RAB6A: variants seen among roughly 807,000 people sequenced by gnomAD.
RAB6A encodes the protein ras-related protein Rab-6A.
A neutral mutation model predicts 32.3 loss-of-function variants in RAB6A; 8 were observed. The observed-to-expected ratio is 0.25, with a 90% CI of 0.15 to 0.45. RAB6A has a LOEUF of 0.45. RAB6A is among the 20% of genes least tolerant of loss of function. RAB6A has a pLI of 1.00. For missense variants in RAB6A, 104 were observed against 249.4 expected (o/e 0.42, Z 3.93); for synonymous variants, 73 against 82.1 (o/e 0.89, Z 0.60).
At chr11:73,695,856 A>G (rs2134894519) in intron 6 of RAB6A, among the ~76,000 whole-genome samples, 1 of 152,338 alleles carries the variant, frequency 6.6e-6, no homozygotes, top group Non-Finnish European at 1.5e-5. Flanking sequence ...TAGTTCAGGG[A>G]TGATGACAAG....
At chr11:73,739,284 A>AAAAAATATAT (rs1208877325) in intron 1 of RAB6A, among the ~76,000 whole-genome samples, 14 of 6,756 alleles carry the variant, frequency 2.1e-3, no homozygotes, top group African/African-American at 2.9e-3. Flanking sequence ...AAAAAAAAAA[A>AAAAAATATAT]ATATATATAT....
intron 6 of RAB6A, chr11:73,704,028 C>CA (rs984964478): frequency 0.032 from 3,250 of 100,830 alleles, 100 homozygotes; most frequent in African/African-American, 0.099. Flanking sequence ...GACTCCATCT[C>CA]AAAAAAAAAA....
intron 6 of RAB6A, among the ~76,000 whole-genome samples, chr11:73,683,216 C>A (rs909324407): frequency 6.7e-6 from 1 of 148,686 alleles, no homozygotes. Context: ...TTTTTGTATA[C>A]AGAAATTCAC....
intron 1 of RAB6A, among the ~76,000 whole-genome samples, chr11:73,758,432 T>C (rs1946793821): frequency 6.6e-6 from 1 of 152,156 alleles, no homozygotes; most frequent in African/African-American, 2.4e-5. Context: ...TGTGGGTATA[T>C]GGGAACTCTA....
chr11:73,712,722 T>C (rs1304512230), intron 5 of RAB6A, among the ~76,000 whole-genome samples: 1 of 89,386 alleles, frequency 1.1e-5, no homozygotes, highest in Non-Finnish European at 2.2e-5. Flanking sequence ...GCTTTAATTA[T>C]AGAGGCTTTT....
At chr11:73,752,586 G>C (rs1946684750) in intron 1 of RAB6A, among the ~76,000 whole-genome samples, 1 of 152,170 alleles carries the variant, frequency 6.6e-6, no homozygotes, top group South Asian at 2.1e-4. Context: ...GGAGACCGAG[G>C]CCAGGCAGAT....
At chr11:73,757,897 A>G (rs1946785950) in intron 1 of RAB6A, among the ~76,000 whole-genome samples, 1 of 152,256 alleles carries the variant, frequency 6.6e-6, no homozygotes, top group South Asian at 2.1e-4. Context: ...TACGCTAGGC[A>G]ATGGGGACAC....
chr11:73,720,476 C>T (rs944120829), intron 3 of RAB6A, among the ~76,000 whole-genome samples: 2 of 152,224 alleles, frequency 1.3e-5, no homozygotes, highest in African/African-American at 4.8e-5. Context: ...GCCACCGCAC[C>T]CTGCCCACAT....
chr11:73,685,128 G>C (rs1050880157), intron 6 of RAB6A, among the ~76,000 whole-genome samples: 1 of 152,200 alleles, frequency 6.6e-6, no homozygotes, highest in Non-Finnish European at 1.5e-5. Flanking sequence ...GCCCTAGGTA[G>C]GCCACTTAAG....
At chr11:73,681,064 T>C (rs1404060798) in intron 6 of RAB6A, among the ~76,000 whole-genome samples, 1 of 152,218 alleles carries the variant, frequency 6.6e-6, no homozygotes, top group Non-Finnish European at 1.5e-5. Flanking sequence ...AAGCACACAG[T>C]GTAAACCCAT....
chr11:73,713,048 C>T (rs532579271), intron 5 of RAB6A, among the ~76,000 whole-genome samples: 1 of 152,102 alleles, frequency 6.6e-6, no homozygotes, highest in South Asian at 2.1e-4. Context: ...TAAATAGGGT[C>T]ATCTTGTTCA....
At chr11:73,708,873 T>C (rs1590848277) in intron 5 of RAB6A, among the ~76,000 whole-genome samples, 2 of 152,196 alleles carry the variant, frequency 1.3e-5, no homozygotes, top group South Asian at 4.1e-4. Context: ...CTTACATCTA[T>C]GTATTAGATC....
At chr11:73,695,227 T>A (rs1945637837) in intron 6 of RAB6A, among the ~76,000 whole-genome samples, 1 of 151,588 alleles carries the variant, frequency 6.6e-6, no homozygotes, top group Non-Finnish European at 1.5e-5. Flanking sequence ...CTTCTTGGTT[T>A]AAAAAAAAGA....
At chr11:73,723,844 C>T (rs564210840) in intron 2 of RAB6A, among the ~76,000 whole-genome samples, 42 of 152,142 alleles carry the variant, frequency 2.8e-4, no homozygotes, top group Admixed American at 2.0e-3. Flanking sequence ...GGTACGATGT[C>T]AATATTTTTA....
At chr11:73,729,585 C>T (rs1313041087) in intron 2 of RAB6A, 1 of 152,088 alleles carries the variant, frequency 6.6e-6, no homozygotes, top group African/African-American at 2.4e-5. Flanking sequence ...TATATTTCTG[C>T]TTTAACCTTT....
At chr11:73,742,113 C>T (rs1290608744) in intron 1 of RAB6A, among the ~76,000 whole-genome samples, 3 of 151,976 alleles carry the variant, frequency 2.0e-5, no homozygotes, top group Non-Finnish European at 4.4e-5. Context: ...GAAACCCTGT[C>T]TCTACTAAAA....
intron 1 of RAB6A, among the ~76,000 whole-genome samples, chr11:73,739,605 A>AT (rs1946463625): frequency 6.6e-6 from 1 of 151,920 alleles, no homozygotes; most frequent in African/African-American, 2.4e-5. Flanking sequence ...AAGGTTGATT[A>AT]TTAAAAGTTA....
At chr11:73,736,921 T>C (rs902378997) in intron 1 of RAB6A, among the ~76,000 whole-genome samples, 1 of 132,088 alleles carries the variant, frequency 7.6e-6, no homozygotes, top group African/African-American at 2.9e-5. Context: ...AAAGCTACAA[T>C]GAACCGTGAT....
intron 2 of RAB6A, among the ~76,000 whole-genome samples, chr11:73,728,483 G>GACA (rs968234831): frequency 1.3e-5 from 2 of 151,722 alleles, no homozygotes; most frequent in African/African-American, 4.8e-5. Context: ...CTTGTTAAAT[G>GACA]ACACATAGGT....
Sources: allele counts gnomAD v4.1 joint callset (sites outside exome capture counted in the v4.1 genomes callset), GRCh38; gene constraint gnomAD v4.1.1; transcripts MANE v1.5; gene names NCBI Gene and HGNC (gene_info 2026-07-23, HGNC 2026-07-21).